The following GRM7 variants were observed in gnomAD, a reference collection of about 807,000 sequenced individuals.
GRM7 encodes glutamate metabotropic receptor 7.
In GRM7, 35 loss-of-function variants were observed where a neutral mutation model predicts 84.5. The ratio of observed to expected loss-of-function variants is 0.41; its 90% CI spans 0.32 to 0.55. GRM7 has a LOEUF of 0.55. Among genes scored for constraint, GRM7 ranks in the 20% least tolerant of loss-of-function variants. The pLI, the probability that GRM7 is intolerant of heterozygous loss-of-function variation, is 0.19. For missense variants in GRM7, 1,003 were observed against 1,194.6 expected, an observed-to-expected ratio of 0.84 and a Z score of 2.36; for synonymous variants, 487 against 455.1, an observed-to-expected ratio of 1.07 and a Z score of -0.89.
Position 6,862,028 on chromosome 3 carries a change from G to C in GRM7, c.519+121G>C. 1.3e-6 allele frequency: 1 copy of C among 782,282 alleles called. No homozygotes were observed. The highest frequency in any genetic ancestry group is 1.7e-5 in the African/African-American group (1 of 57,396). 48.5% of individuals were successfully genotyped at this position (782,282 alleles called of 1,614,324 possible). Reference sequence around the variant, plus strand: ...AGCCTTCGCTCATTTCCTCCCTGGAGATCCTGCCGAATCCCTCCCACCCCG... The same window carrying C: ...AGCCTTCGCTCATTTCCTCCCTGGACATCCTGCCGAATCCCTCCCACCCCG... On this transcript the variant is annotated intron_variant, in intron 1 of 9. Transcript: ENST00000357716. This position sits in a 1 kb window ranked among gnomAD's most constrained non-coding sequence, Gnocchi z 5.2.
intron 1 of GRM7, among the ~76,000 whole-genome samples, chr3:6,945,016 C>T (rs1436586261): frequency 6.6e-6 from 1 of 151,632 alleles, no homozygotes; most frequent in African/African-American, 2.4e-5. Context: ...TAATTTGTGA[C>T]TTTCTCTTCC....
intron 1 of GRM7, among the ~76,000 whole-genome samples, chr3:7,088,918 T>C (rs978562120): frequency 2.0e-5 from 3 of 152,028 alleles, no homozygotes; most frequent in African/African-American, 7.3e-5. Context: ...AGGGTATACA[T>C]ACAGCTGTCC....
At chr3:7,685,888 C>G (rs536732390) in intron 9 of GRM7, among the ~76,000 whole-genome samples, 8 of 151,958 alleles carry the variant, frequency 5.3e-5, no homozygotes, top group African/African-American at 1.7e-4. Flanking sequence ...TTCTAGAACA[C>G]ACTTCTGTGC....
At chr3:7,172,392 G>A (rs192815116) in intron 2 of GRM7, among the ~76,000 whole-genome samples, 1 of 152,104 alleles carries the variant, frequency 6.6e-6, no homozygotes, top group Admixed American at 6.6e-5. Flanking sequence ...TGACACTGTG[G>A]CCTTAACTCT....
intron 9 of GRM7, among the ~76,000 whole-genome samples, chr3:7,729,631 A>G (rs1014486452): frequency 1.3e-5 from 2 of 152,220 alleles, no homozygotes; most frequent in South Asian, 2.1e-4. Flanking sequence ...GCAGTGGTTC[A>G]GTATTCAGTA....
intron 5 of GRM7, among the ~76,000 whole-genome samples, chr3:7,429,726 G>A (rs1696752815): frequency 6.6e-6 from 1 of 151,998 alleles, no homozygotes; most frequent in South Asian, 2.1e-4. Context: ...TTGAACCAAA[G>A]TATTTTACTC....
intron 1 of GRM7, among the ~76,000 whole-genome samples, chr3:7,021,822 GC>G (rs1209591130): frequency 6.6e-6 from 1 of 152,248 alleles, no homozygotes; most frequent in Non-Finnish European, 1.5e-5. Flanking sequence ...ATAAGACACT[GC>G]TTAGGTACTG....
Position 7,217,980 on chromosome 3 carries a change from A to G in GRM7, c.736+71312A>G, listed in dbSNP as rs143146441. On this transcript the variant is annotated intron_variant, in intron 2 of 9. Coordinates refer to ENST00000357716, the MANE Select transcript of GRM7 (RefSeq NM_000844.4). ...TCTCTTAATATTATGACTTTAGTATATGATAGTGTTACATATGTTGTATGG... is the reference window on the plus strand; with the variant it reads ...TCTCTTAATATTATGACTTTAGTATGTGATAGTGTTACATATGTTGTATGG... 3.6e-4 allele frequency among the ~76,000 whole-genome samples: 55 copies of G among 152,166 alleles called. 1 individual carries two copies. The East Asian group carries it at 0.01, about 28-fold the overall frequency.
At chr3:6,979,782 A>G (rs1694128000) in intron 1 of GRM7, among the ~76,000 whole-genome samples, 1 of 152,196 alleles carries the variant, frequency 6.6e-6, no homozygotes, top group Non-Finnish European at 1.5e-5. Context: ...CAAATCTGCA[A>G]TCACTTTTGC....
At chr3:7,695,933 A>C (rs1217025944) in intron 9 of GRM7, among the ~76,000 whole-genome samples, 1 of 152,216 alleles carries the variant, frequency 6.6e-6, no homozygotes, top group African/African-American at 2.4e-5. Context: ...GAATTAAATA[A>C]TCTTAAACAT....
In GRM7 at chr3:7,541,491, G is replaced by C. The variant is rs189132121; in HGVS notation, c.1516-36931G>C. 9.4e-4 allele frequency among the ~76,000 whole-genome samples: 143 copies of C among 152,206 alleles called. 1 individual carries two copies. Among genetic ancestry groups the C allele is most frequent in the Admixed American group, 2.7e-3 (42 of 15,288 alleles). On this transcript the variant is annotated intron_variant, in intron 7 of 9. Coordinates refer to ENST00000357716, the MANE Select transcript of GRM7 (RefSeq NM_000844.4). ...CTAAGTAAATTTTTACAGCAACTCTGTATGATTCACAGTTTACAGAGAAAA... is the reference window on the plus strand; with the variant it reads ...CTAAGTAAATTTTTACAGCAACTCTCTATGATTCACAGTTTACAGAGAAAA...
chr3:7,155,326 G>A (rs929516195), intron 2 of GRM7, among the ~76,000 whole-genome samples: 1 of 152,066 alleles, frequency 6.6e-6, no homozygotes, highest in Non-Finnish European at 1.5e-5. Flanking sequence ...GGTAGTCACA[G>A]TGTAAAAAAA....
intron 1 of GRM7, among the ~76,000 whole-genome samples, chr3:7,018,664 T>G (rs1309937158): frequency 6.6e-6 from 1 of 152,132 alleles, no homozygotes; most frequent in East Asian, 1.9e-4. Context: ...GGGAAGCTAG[T>G]CAGAGCAAAG....
chr3:6,927,030 C>G (rs1166244927), intron 1 of GRM7, among the ~76,000 whole-genome samples: 1 of 152,108 alleles, frequency 6.6e-6, no homozygotes, highest in East Asian at 1.9e-4. Context: ...CTGTGTTAAG[C>G]AAAATTTGAC....
intron 1 of GRM7, among the ~76,000 whole-genome samples, chr3:6,878,938 C>T (rs2124958366): frequency 6.6e-6 from 1 of 152,284 alleles, no homozygotes; most frequent in South Asian, 2.1e-4. Flanking sequence ...AATGACCACA[C>T]TTTAAAAACC....
rs578105668 is a variant in GRM7, at chr3:7,084,103, G to A, written c.520-62349G>A. The stretch of plus-strand genomic sequence containing the variant: ...AGGGGGCAGGGATCTGAGCAGAGGA[G>A]TAACAAAGTTTAACTTCGATTTAAA... On this transcript the variant is annotated intron_variant, in intron 1 of 9. Transcript: ENST00000357716. Among the ~76,000 whole-genome samples, 5 of 152,260 alleles carry A rather than the reference G, an allele frequency of 3.3e-5. No individual in the cohort carries two copies. In the East Asian group the frequency reaches 9.7e-4, roughly 29 times the overall value.
chr3:6,972,288 A>G (rs1329590017), intron 1 of GRM7, among the ~76,000 whole-genome samples: 1 of 152,198 alleles, frequency 6.6e-6, no homozygotes, highest in East Asian at 1.9e-4. Flanking sequence ...TCTCTGAGTT[A>G]GATTTTGAAT....
intron 1 of GRM7, among the ~76,000 whole-genome samples, chr3:6,880,375 G>T (rs1049717011): frequency 1.3e-5 from 2 of 152,132 alleles, no homozygotes; most frequent in African/African-American, 4.8e-5. Context: ...AATGTTCAAG[G>T]TTGAGGATAT....
At chr3:7,637,495 T>C (rs887469052) in intron 8 of GRM7, among the ~76,000 whole-genome samples, 19 of 152,286 alleles carry the variant, frequency 1.2e-4, no homozygotes, top group African/African-American at 4.1e-4. Flanking sequence ...AAAAAATCCA[T>C]CAGACACGAA....
Sources: gnomAD v4.1 joint callset for allele counts (sites outside exome capture counted in the v4.1 genomes callset) on GRCh38, gnomAD v4.1.1 for gene constraint, Gnocchi (gnomAD v3.1) non-coding constraint, MANE v1.5 for transcripts, NCBI Gene and HGNC (gene_info 2026-07-23, HGNC 2026-07-21) for gene names.